LOXHD1: variants seen among roughly 807,000 people sequenced by gnomAD.
LOXHD1 encodes lipoxygenase homology PLAT domains 1, also known as lipoxygenase homology domain-containing protein 1.
In LOXHD1, 205 loss-of-function variants were observed where a neutral mutation model predicts 248.2. The observed-to-expected ratio is 0.83, with a 90% confidence interval of 0.74 to 0.93. The LOEUF is 0.93. Ranked by LOEUF, LOXHD1 falls within the 40% of genes least tolerant of loss-of-function variation. The pLI is 0.00. For missense variants in LOXHD1, 2,930 were observed against 2,971.6 expected, an observed-to-expected ratio of 0.99 and a Z score of 0.33; for synonymous variants, 1,113 against 1,162.8, an observed-to-expected ratio of 0.96 and a Z score of 0.87.
chr18:46,509,607 G>T, intron 35 of LOXHD1, 91 bp downstream of exon 35: 1 of 906,144 alleles, frequency 1.1e-6, no homozygotes, highest in Non-Finnish European at 1.8e-6. Flanking sequence ...AGTGACATTT[G>T]TGCTTTAACA....
chr18:46,648,292 A>C (rs2144397264), intron 2 of LOXHD1, among the ~76,000 whole-genome samples: 1 of 152,160 alleles, frequency 6.6e-6, no homozygotes, highest in African/African-American at 2.4e-5. Flanking sequence ...AACAAAAAAC[A>C]ATCAAACAAA....
Position 46,657,037 on chromosome 18 carries a change from G to A in LOXHD1, c.-4C>T. 1 of 1,551,626 alleles carries A rather than the reference G, an allele frequency of 6.4e-7. No homozygotes were observed. The highest frequency in any genetic ancestry group is 8.7e-7 in the Non-Finnish European group (1 of 1,146,932). On this transcript the variant is annotated 5_prime_UTR_variant, in exon 1 of 41. Transcript: ENST00000642948. Reference sequence around the variant, plus strand: ...GCCTTTTCTTCTGGGGCATCATTCTGTCGGCTGCCTTCTCCCAGCGCTCGC... The same window carrying A: ...GCCTTTTCTTCTGGGGCATCATTCTATCGGCTGCCTTCTCCCAGCGCTCGC...
intron 1 of LOXHD1, among the ~76,000 whole-genome samples, chr18:46,653,309 G>A (rs540657735): frequency 1.3e-5 from 2 of 152,166 alleles, no homozygotes; most frequent in African/African-American, 4.8e-5. Context: ...GAGATTTGTC[G>A]CCTCTGAGAA....
At chr18:46,540,831 T>G (rs1025949460) in intron 25 of LOXHD1, among the ~76,000 whole-genome samples, 1 of 152,140 alleles carries the variant, frequency 6.6e-6, no homozygotes, top group Admixed American at 6.5e-5. Flanking sequence ...GATCCAGGGC[T>G]GGCTTTGGGC....
intron 7 of LOXHD1, among the ~76,000 whole-genome samples, chr18:46,602,617 A>C (rs945572958): frequency 3.9e-5 from 6 of 152,160 alleles, no homozygotes; most frequent in Non-Finnish European, 8.8e-5. Context: ...CCATAACCTC[A>C]GAGAAATAAA....
intron 13 of LOXHD1, 143 bp downstream of exon 13, chr18:46,579,487 G>A (rs533214355): frequency 7.6e-5 from 83 of 1,098,030 alleles, no homozygotes; most frequent in Non-Finnish European, 1.1e-4. Context: ...CCAGTTCCCC[G>A]CCCCCTTACC....
chr18:46,556,000 AC>A (rs1170190555), intron 21 of LOXHD1, among the ~76,000 whole-genome samples: 1 of 152,016 alleles, frequency 6.6e-6, no homozygotes, highest in Non-Finnish European at 1.5e-5. Context: ...GCATGGATTC[AC>A]ATTTTTAAAT....
chr18:46,577,948 A>G (rs1041690261), intron 13 of LOXHD1, 81 bp from the exon 14 acceptor site: 2 of 1,466,316 alleles, frequency 1.4e-6, no homozygotes, highest in East Asian at 5.0e-5. Flanking sequence ...AAGCTCAGAT[A>G]TCAGAAAATC....
At chr18:46,619,645 G>T (rs1473805494) in intron 4 of LOXHD1, among the ~76,000 whole-genome samples, 1 of 152,214 alleles carries the variant, frequency 6.6e-6, no homozygotes, top group Admixed American at 6.5e-5. Flanking sequence ...CAGGGCAAAG[G>T]ACTGAGGTTG....
chr18:46,545,623 A>ATTTTTTTTTT (rs1555676193), intron 22 of LOXHD1, among the ~76,000 whole-genome samples: 1 of 86,050 alleles, frequency 1.2e-5, no homozygotes, highest in African/African-American at 4.6e-5. Flanking sequence ...CCTCTTGGCC[A>ATTTTTTTTTT]TTTCTTTTTT....
At chr18:46,531,511 G>A (rs891149815) in intron 28 of LOXHD1, among the ~76,000 whole-genome samples, 4 of 152,130 alleles carry the variant, frequency 2.6e-5, no homozygotes, top group South Asian at 2.1e-4. Flanking sequence ...CCTTTTCTAG[G>A]AGCCTGTGTC....
At chr18:46,522,581 C>A (rs992242929) in intron 31 of LOXHD1, among the ~76,000 whole-genome samples, 7 of 152,220 alleles carry the variant, frequency 4.6e-5, no homozygotes, top group Admixed American at 2.0e-4. Context: ...CTCTTTTGAC[C>A]AATTATCCTA....
At chr18:46,569,773 C>T (rs1233098225) in intron 15 of LOXHD1, 135 bp from the exon 16 acceptor site, 3 of 695,134 alleles carry the variant, frequency 4.3e-6, no homozygotes, top group Non-Finnish European at 7.1e-6. Flanking sequence ...AAAATCCAGG[C>T]TCCTGTTCTA....
chr18:46,499,848 G>C (rs1166270790), intron 37 of LOXHD1, among the ~76,000 whole-genome samples: 5 of 152,182 alleles, frequency 3.3e-5, no homozygotes, highest in Non-Finnish European at 7.4e-5. Flanking sequence ...TTGCTAGGGA[G>C]AAATAAACAT....
rs975862127 is a variant in LOXHD1 at position 46,641,965 on chromosome 18, T to C, written c.317A>G (p.Tyr106Cys). 6.4e-7 allele frequency: 1 copy of C among 1,551,974 alleles called. No homozygotes were observed. Among genetic ancestry groups the C allele is most frequent in the Non-Finnish European group, 8.7e-7 (1 of 1,146,970 alleles). ...RVRTNNVGLI[Y>C]KVRIEHDNTG... is the part of the protein sequence containing the mutation. ...GGCGCCAGCTTCTCACCTGACTTTATAGATGAGGCCCACATTGTTGGTTCT... is the reference window on the plus strand; with the variant it reads ...GGCGCCAGCTTCTCACCTGACTTTACAGATGAGGCCCACATTGTTGGTTCT... Residue 106 changes from tyrosine (Y) to cysteine (C), a missense_variant, in exon 3 of 41, where the codon TAT becomes TGT. Tyr to Cys is a radical substitution (Grantham distance 194). Coordinates refer to ENST00000642948, the MANE Select transcript of LOXHD1 (RefSeq NM_001384474.1).
intron 3 of LOXHD1, 50 bp from the exon 4 acceptor site, chr18:46,639,850 AC>A (rs925303937): frequency 1.3e-6 from 2 of 1,544,950 alleles, no homozygotes; most frequent in African/African-American, 2.7e-5. Context: ...CTGAAACAGC[AC>A]CCCTTCCATA....
chr18:46,625,967 C>G (rs1289656075), intron 4 of LOXHD1, among the ~76,000 whole-genome samples: 2 of 152,138 alleles, frequency 1.3e-5, no homozygotes, highest in Non-Finnish European at 2.9e-5. Context: ...GCCAGAACAC[C>G]AGCACTTCTT....
intron 31 of LOXHD1, among the ~76,000 whole-genome samples, chr18:46,523,407 T>A (rs566250877): frequency 6.6e-6 from 1 of 152,200 alleles, no homozygotes; most frequent in Non-Finnish European, 1.5e-5. Context: ...GTTGCCAGAA[T>A]GACCAGGTTA....
intron 7 of LOXHD1, among the ~76,000 whole-genome samples, chr18:46,602,929 A>AT (rs1252467733): frequency 6.6e-6 from 1 of 152,160 alleles, no homozygotes; most frequent in Non-Finnish European, 1.5e-5. Context: ...GAGACATATA[A>AT]TATTCACATA....
Sources: gnomAD v4.1 joint callset for allele counts (sites outside exome capture counted in the v4.1 genomes callset) on GRCh38, gnomAD v4.1.1 for gene constraint, MANE v1.5 for transcripts, NCBI Gene and HGNC (gene_info 2026-07-23, HGNC 2026-07-21) for gene names.